Variants in CCDC33 observed in about 807,000 individuals in gnomAD.
The protein encoded by CCDC33 is coiled-coil domain-containing protein 33.
Under a neutral mutation model 91.9 loss-of-function variants are expected in CCDC33, and 94 were observed. The observed-to-expected ratio is 1.02, with a 90% CI of 0.87 to 1.21. The LOEUF is 1.21. Among genes scored for constraint, CCDC33 ranks in the 50% most tolerant of loss-of-function variants. CCDC33 has a pLI of 0.00. For synonymous variants in CCDC33, 396 were observed against 374.5 expected, an observed-to-expected ratio of 1.06 and a Z score of -0.66; for missense variants, 940 against 935.5, an observed-to-expected ratio of 1.00 and a Z score of -0.06.
intron 8 of CCDC33, 96 bp from the exon 9 acceptor site, chr15:74,280,572 A>G: frequency 7.3e-7 from 1 of 1,365,104 alleles, no homozygotes; most frequent in Non-Finnish European, 9.7e-7. Flanking sequence ...GCAGGAAAGC[A>G]GGCAGCGGGA....
chr15:74,271,167 C>T (rs928939629), intron 5 of CCDC33, among the ~76,000 whole-genome samples: 6 of 152,170 alleles, frequency 3.9e-5, no homozygotes, highest in East Asian at 1.9e-4. Flanking sequence ...TGGCTGTGGC[C>T]GCTGATCTCA....
intron 2 of CCDC33, among the ~76,000 whole-genome samples, chr15:74,254,038 T>A (rs762583501): frequency 9.2e-5 from 14 of 151,926 alleles, no homozygotes; most frequent in Non-Finnish European, 1.8e-4. Context: ...TTTATTTTAT[T>A]TTTTTATTTT....
Position 74,334,983 on chromosome 15 carries a change from C to T in CCDC33, c.2034C>T (p.Asp678=), listed in dbSNP as rs763693785. The T allele has an allele frequency of 6.2e-7, 1 of 1,613,978 alleles. No homozygotes were observed. Among genetic ancestry groups the T allele is most frequent in the South Asian group, 1.1e-5 (1 of 91,080 alleles). The part of the protein sequence containing the change: ...RILSLESQLE[D]SARRWGREKQ... ...CCTCTCTGTGTCTGCAGTTAGAGGA[C>T]TCAGCTCGACGCTGGGGACGAGAGA... Residue 678 remains aspartate (D), a synonymous_variant, in exon 18 of 19, where the codon GAC becomes GAT. Coordinates refer to ENST00000398814, the MANE Select transcript of CCDC33 (RefSeq NM_025055.5).
At position 74,294,305 on chromosome 15, in the gene CCDC33, C is replaced by T. The variant is rs147045599; in HGVS notation, c.1096-1449C>T. On this transcript the variant is annotated intron_variant, in intron 10 of 18. Transcript: ENST00000398814. Reference sequence around the variant, plus strand: ...GGCTCACTTTTGAGGTCCCTGAAAACCCTAGGACTGCATGATTCTTTGAAC... The same window carrying T: ...GGCTCACTTTTGAGGTCCCTGAAAATCCTAGGACTGCATGATTCTTTGAAC... Among the ~76,000 whole-genome samples, 429 of 152,216 alleles carry T rather than the reference C, an allele frequency of 2.8e-3. 3 individuals are homozygous for T. Among genetic ancestry groups the T allele is most frequent in the African/African-American group, 1.0e-2 (415 of 41,532 alleles).
intron 2 of CCDC33, among the ~76,000 whole-genome samples, chr15:74,249,551 A>T (rs1289018560): frequency 6.6e-6 from 1 of 152,144 alleles, no homozygotes; most frequent in Non-Finnish European, 1.5e-5. Context: ...ATTGCAGTGC[A>T]TTGTGGGCTG....
chr15:74,308,138 G>T (rs1292064565), intron 11 of CCDC33, among the ~76,000 whole-genome samples: 2 of 152,082 alleles, frequency 1.3e-5, no homozygotes, highest in Admixed American at 1.3e-4. Flanking sequence ...GTTGTACCCC[G>T]AAGAGGGCCA....
In CCDC33 at chr15:74,333,958, G is replaced by A. The variant is rs761032874; in HGVS notation, c.2016G>A (p.Leu672=). The change falls in exon 17 of 19, where the codon CTG becomes CTA. Residue 672 remains leucine (L), a synonymous_variant. Coordinates refer to ENST00000398814, the MANE Select transcript of CCDC33 (RefSeq NM_025055.5). The part of the protein sequence containing the change: ...LEHAQSRILS[L]ESQLEDSARR... ...ACGCTCAGAGCCGGATCCTGTCCCT[G>A]GAAAGCCAGGTGGGTGAGATGCAGG... The A allele has an allele frequency of 1.3e-5, 21 of 1,613,374 alleles. No individual in the cohort carries two copies. In the South Asian group the frequency reaches 2.3e-4, roughly 18 times the overall value.
At chr15:74,312,502 C>T (rs990798619) in intron 11 of CCDC33, among the ~76,000 whole-genome samples, 5 of 152,200 alleles carry the variant, frequency 3.3e-5, no homozygotes, top group African/African-American at 7.2e-5. Flanking sequence ...GGTAAGTGCT[C>T]GTTACAGCTT....
chr15:74,298,829 C>CTG (rs2142638475), intron 11 of CCDC33, among the ~76,000 whole-genome samples: 1 of 150,438 alleles, frequency 6.6e-6, no homozygotes, highest in East Asian at 2.0e-4. Flanking sequence ...TCTCCTTCCT[C>CTG]AGCCTCTTGA....
intron 11 of CCDC33, among the ~76,000 whole-genome samples, chr15:74,324,426 T>G (rs1356070796): frequency 1.3e-5 from 2 of 152,024 alleles, no homozygotes; most frequent in Non-Finnish European, 2.9e-5. Flanking sequence ...TGTGTCCCAT[T>G]CAGACCATCT....
chr15:74,257,840 C>T (rs959265769), intron 2 of CCDC33, among the ~76,000 whole-genome samples: 1 of 152,216 alleles, frequency 6.6e-6, no homozygotes, highest in Non-Finnish European at 1.5e-5. Context: ...TAAGACTGGG[C>T]TCCTGGATTG....
At chr15:74,239,547 G>C (rs1030445662) in intron 1 of CCDC33, among the ~76,000 whole-genome samples, 7 of 152,194 alleles carry the variant, frequency 4.6e-5, no homozygotes, top group Non-Finnish European at 8.8e-5. Context: ...CAGTGGAGTA[G>C]CTGAGAGTGC....
intron 11 of CCDC33, among the ~76,000 whole-genome samples, chr15:74,321,387 C>T (rs894455459): frequency 6.6e-6 from 1 of 151,454 alleles, no homozygotes; most frequent in Admixed American, 6.6e-5. Flanking sequence ...ACCTCATCCT[C>T]CCAAGTAGCT....
intron 10 of CCDC33, among the ~76,000 whole-genome samples, chr15:74,284,762 T>C (rs1015473476): frequency 3.3e-5 from 5 of 152,248 alleles, no homozygotes; most frequent in African/African-American, 1.2e-4. Context: ...TCATGGTAGC[T>C]GAGTACGGTG....
chr15:74,245,065 C>T lies in CCDC33; in HGVS notation c.185+917C>T, dbSNP rs76595899. 5.1e-3 allele frequency among the ~76,000 whole-genome samples: 783 copies of T among 152,320 alleles called. 6 individuals carry two copies. Among genetic ancestry groups the T allele is most frequent in the African/African-American group, 0.017 (722 of 41,586 alleles). ...TTCAAAGCCTCCTCCTCCAGGCAGC[C>T]ACCAGAGTTGAGCTCTCCCTCTTCT... On this transcript the variant is annotated intron_variant, in intron 2 of 18. Transcript: ENST00000398814.
intron 11 of CCDC33, among the ~76,000 whole-genome samples, chr15:74,325,056 T>C (rs2060283729): frequency 7.2e-6 from 1 of 139,048 alleles, no homozygotes; most frequent in Non-Finnish European, 1.5e-5. Flanking sequence ...TCCCCAACCC[T>C]CCTCTTCGTT....
intron 11 of CCDC33, among the ~76,000 whole-genome samples, chr15:74,312,783 C>T (rs983605078): frequency 6.6e-6 from 1 of 152,176 alleles, no homozygotes; most frequent in African/African-American, 2.4e-5. Context: ...TCTCCCCCCT[C>T]AGTCTAGGAC....
chr15:74,334,804 G>GC lies in CCDC33; in HGVS notation c.2026-166dup, dbSNP rs2142902411. Reference sequence around the variant, plus strand: ...CTTGGTCAGGCTGCCTGACTGTTTGGCCCCCTCACCCTCACCCCGCCACCC... The same window carrying GC: ...CTTGGTCAGGCTGCCTGACTGTTTGGCCCCCCTCACCCTCACCCCGCCACCC... On this transcript the variant is annotated intron_variant, in intron 17 of 18. Transcript: ENST00000398814. Among the ~76,000 whole-genome samples the GC allele has an allele frequency of 2.0e-5, 3 of 152,200 alleles. No individual in the cohort carries two copies. The East Asian group carries it at 5.8e-4, about 29-fold the overall frequency.
chr15:74,268,207 G>C, intron 4 of CCDC33, 135 bp from the exon 5 acceptor site: 1 of 685,598 alleles, frequency 1.5e-6, no homozygotes, highest in East Asian at 2.7e-5. Context: ...CAGGGACCAT[G>C]AGCTTTAATT....
Sources: allele counts gnomAD v4.1 joint callset (sites outside exome capture counted in the v4.1 genomes callset), GRCh38; gene constraint gnomAD v4.1.1; transcripts MANE v1.5; gene names NCBI Gene and HGNC (gene_info 2026-07-23, HGNC 2026-07-21).